DPF3: variants seen among roughly 807,000 people sequenced by gnomAD.
DPF3 encodes zinc finger protein DPF3.
DPF3 carries 18 observed loss-of-function variants against 56.8 expected under a neutral mutation model. The ratio of observed to expected loss-of-function variants is 0.32; its 90% CI spans 0.22 to 0.47. DPF3 has a LOEUF of 0.47. DPF3 is among the 20% of genes least tolerant of loss of function. The probability of loss-of-function intolerance (pLI) is 1.00; values close to 1 mark genes in which losing one functional copy is unlikely to be tolerated. For missense variants in DPF3, 403 were observed against 488.8 expected, an observed-to-expected ratio of 0.82 and a Z score of 1.65; for synonymous variants, 188 against 180.2, an observed-to-expected ratio of 1.04 and a Z score of -0.35.
intron 3 of DPF3, among the ~76,000 whole-genome samples, chr14:72,752,134 C>A (rs970504745): frequency 8.5e-5 from 13 of 152,266 alleles, no homozygotes; most frequent in Middle Eastern, 3.4e-3. Context: ...GAGTGAGGTA[C>A]CTTTGCCAGG....
In DPF3 at chr14:72,612,991, G is replaced by GGC. The variant is rs1883836622; in HGVS notation, c.*6304_*6305dup. ...AGTTTCCCTTTGGTTCATTAAGTAG[G>GGC]GCGTGTGTGTGTGTGTGTGTGTGTG... On this transcript the variant is annotated 3_prime_UTR_variant, in exon 11 of 11. Transcript: ENST00000556509. Among the ~76,000 whole-genome samples the GGC allele has an allele frequency of 1.4e-5, 1 of 71,014 alleles. No homozygotes were observed. Among genetic ancestry groups the GGC allele is most frequent in the South Asian group, 6.7e-4 (1 of 1,492 alleles). The allele number at this position is 71,014 out of a possible 152,430, so 46.6% of individuals were successfully genotyped here. A position where few individuals can be genotyped will look rare whatever the true frequency, so the allele number is the denominator to read the frequency against.
chr14:72,861,026 TACACACACACACACACAC>T (rs10570653), intron 1 of DPF3, among the ~76,000 whole-genome samples: 4,276 of 147,828 alleles, frequency 0.029, 207 homozygotes, highest in African/African-American at 0.099. Context: ...GTTCTCACTA[TACACACACACACACACAC>T]ACACACACAC....
At chr14:72,696,871 G>C (rs999117139) in intron 6 of DPF3, among the ~76,000 whole-genome samples, 3 of 152,198 alleles carry the variant, frequency 2.0e-5, no homozygotes, top group African/African-American at 7.2e-5. Context: ...CTGGGGGTGG[G>C]GCCCAGTGAT....
intron 9 of DPF3, among the ~76,000 whole-genome samples, chr14:72,625,834 T>A (rs938724394): frequency 2.6e-5 from 4 of 152,192 alleles, no homozygotes; most frequent in Non-Finnish European, 4.4e-5. Context: ...CCCCCTTTAT[T>A]TGGTTATTCT....
chr14:72,718,310 G>C (rs953204406), intron 5 of DPF3, among the ~76,000 whole-genome samples: 16 of 152,180 alleles, frequency 1.1e-4, no homozygotes, highest in Admixed American at 7.9e-4. Flanking sequence ...GACTAGGACA[G>C]ACTCGGTCCC....
chr14:72,699,219 T>A (rs1888048910), intron 6 of DPF3, among the ~76,000 whole-genome samples: 1 of 152,076 alleles, frequency 6.6e-6, no homozygotes, highest in Admixed American at 6.5e-5. Context: ...ACTGATTTTT[T>A]AAAAATTTGT....
At chr14:72,861,737 G>GAAAGAAAGAGAA (rs1555513992) in intron 1 of DPF3, among the ~76,000 whole-genome samples, 2 of 84,536 alleles carry the variant, frequency 2.4e-5, no homozygotes, top group Non-Finnish European at 4.8e-5. Context: ...AAGAAAGAAA[G>GAAAGAAAGAGAA]AGAAAGAAAG....
Position 72,619,343 on chromosome 14 carries a change from C to T in DPF3, c.1091G>A (p.Trp364Ter). 6.5e-7 allele frequency: 1 copy of T among 1,536,144 alleles called. No individual in the cohort carries two copies. Among genetic ancestry groups the T allele is most frequent in the Non-Finnish European group, 8.7e-7 (1 of 1,146,908 alleles). ...PEGSWSCHLC[W>*]ELLKEKASAF... ...TGAGGCTTTCTCTTTGAGCAGTTCC[C>T]AGCATAAGTGGCAGCTCCAGCTTCC... The change falls in exon 11 of 11, where the codon TGG (tryptophan) becomes TAG (stop). Residue 364 changes from tryptophan (W) to a stop codon, truncating the protein, a stop_gained. Coordinates refer to ENST00000556509, the MANE Select transcript of DPF3 (RefSeq NM_001280542.3). LOFTEE classifies it high-confidence loss of function.
chr14:72,633,117 G>A (rs1347332747), intron 8 of DPF3, among the ~76,000 whole-genome samples: 1 of 152,146 alleles, frequency 6.6e-6, no homozygotes, highest in Non-Finnish European at 1.5e-5. Context: ...ATAATCCCAA[G>A]TTCTGACCCA....
At chr14:72,703,048 C>A (rs1888245459) in intron 6 of DPF3, among the ~76,000 whole-genome samples, 1 of 152,158 alleles carries the variant, frequency 6.6e-6, no homozygotes, top group African/African-American at 2.4e-5. Flanking sequence ...ATCAGATGAT[C>A]TCTAAGTCCT....
intron 1 of DPF3, among the ~76,000 whole-genome samples, chr14:72,821,468 CAAG>C (rs1179124985): frequency 6.6e-6 from 1 of 152,064 alleles, no homozygotes; most frequent in African/African-American, 2.4e-5. Flanking sequence ...TTGTTTCTAG[CAAG>C]AAACAATCTA....
intron 7 of DPF3, among the ~76,000 whole-genome samples, chr14:72,683,116 C>T (rs956909906): frequency 1.3e-5 from 2 of 152,022 alleles, no homozygotes; most frequent in African/African-American, 4.8e-5. Flanking sequence ...CACTTGAGGT[C>T]GGGAGTTCGA....
At chr14:72,805,760 C>G (rs1027365760) in intron 1 of DPF3, among the ~76,000 whole-genome samples, 1 of 152,110 alleles carries the variant, frequency 6.6e-6, no homozygotes, top group African/African-American at 2.4e-5. Context: ...GTATTAGAAT[C>G]GCTTGAACCT....
chr14:72,746,641 G>A (rs1374079926), intron 3 of DPF3, among the ~76,000 whole-genome samples: 1 of 152,236 alleles, frequency 6.6e-6, no homozygotes, highest in Admixed American at 6.5e-5. Context: ...CCTGCCTTGG[G>A]GGAACCCAAC....
chr14:72,805,065 CACAA>C (rs1567238871), intron 1 of DPF3, among the ~76,000 whole-genome samples: 2 of 151,514 alleles, frequency 1.3e-5, no homozygotes, highest in South Asian at 2.1e-4. Flanking sequence ...CACACACACA[CACAA>C]ACACACAGAC....
In DPF3 at chr14:72,838,908, C is replaced by CTTT. The variant is rs376458640; in HGVS notation, c.32+55146_32+55148dup. On this transcript the variant is annotated intron_variant, in intron 1 of 10. Coordinates refer to ENST00000556509, the MANE Select transcript of DPF3 (RefSeq NM_001280542.3). Reference sequence around the variant, plus strand: ...TATCATATATATTATCATATATATTCTTTTTTTTTTTTTTTTTTTTTTTTT... The same window carrying CTTT: ...TATCATATATATTATCATATATATTCTTTTTTTTTTTTTTTTTTTTTTTTTTTT... Among the ~76,000 whole-genome samples the CTTT allele has an allele frequency of 8.0e-4, 63 of 78,570 alleles. 10 individuals are homozygous for CTTT. Among genetic ancestry groups the CTTT allele is most frequent in the African/African-American group, 3.1e-3 (45 of 14,400 alleles). The allele number at this position is 78,570 out of a possible 152,430, so 51.5% of individuals were successfully genotyped here.
intron 1 of DPF3, among the ~76,000 whole-genome samples, chr14:72,825,576 G>A (rs1393379631): frequency 2.0e-5 from 3 of 152,196 alleles, no homozygotes; most frequent in East Asian, 1.9e-4. Context: ...ACCGCAGGGC[G>A]GGTGCAGCCT....
At chr14:72,880,770 T>C (rs1337332877) in intron 1 of DPF3, among the ~76,000 whole-genome samples, 1 of 152,154 alleles carries the variant, frequency 6.6e-6, no homozygotes, top group Non-Finnish European at 1.5e-5. Flanking sequence ...CTCGAACTCC[T>C]GGGCTCAAGC....
intron 9 of DPF3, among the ~76,000 whole-genome samples, chr14:72,622,300 C>T (rs918052008): frequency 6.6e-6 from 1 of 151,822 alleles, no homozygotes; most frequent in African/African-American, 2.4e-5. Flanking sequence ...ACAGGACAGG[C>T]AGAGAAAAAA....
Sources: gnomAD v4.1 joint callset for allele counts (sites outside exome capture counted in the v4.1 genomes callset) on GRCh38, gnomAD v4.1.1 for gene constraint, MANE v1.5 for transcripts, NCBI Gene and HGNC (gene_info 2026-07-23, HGNC 2026-07-21) for gene names.